CDC42BPA: variants seen among roughly 807,000 people sequenced by gnomAD.
CDC42BPA encodes serine/threonine-protein kinase MRCK alpha.
A neutral mutation model predicts 223.5 loss-of-function variants in CDC42BPA; 80 were observed. The ratio of observed to expected loss-of-function variants is 0.36; its 90% CI spans 0.30 to 0.43. The LOEUF (loss-of-function observed/expected upper bound fraction) is 0.43. Ranked by LOEUF, CDC42BPA falls within the 20% of genes least tolerant of loss-of-function variation. The probability of loss-of-function intolerance (pLI) is 1.00; values close to 1 mark genes in which losing one functional copy is unlikely to be tolerated. For synonymous variants in CDC42BPA, 694 were observed against 718.6 expected, an observed-to-expected ratio of 0.97 and a Z score of 0.55; for missense variants, 1,743 against 2,099.9, an observed-to-expected ratio of 0.83 and a Z score of 3.32.
rs183726055 is a variant in CDC42BPA at position 227,172,217 on chromosome 1, T to C, written c.600-11581A>G. Among the ~76,000 whole-genome samples, 915 of 152,300 alleles carry C rather than the reference T, an allele frequency of 6.0e-3. 10 individuals carry two copies. Among genetic ancestry groups the C allele is most frequent in the African/African-American group, 0.021 (862 of 41,562 alleles). On this transcript the variant is annotated intron_variant, in intron 5 of 36. Coordinates refer to ENST00000366766, the MANE Select transcript of CDC42BPA (RefSeq NM_001394014.1). Reference sequence around the variant, plus strand: ...AGAAATTAGAATTCTTTATGGAACATTAATTTGGGGTTCATCCTACATTTG... The same window carrying C: ...AGAAATTAGAATTCTTTATGGAACACTAATTTGGGGTTCATCCTACATTTG...
chr1:226,997,203 G>A (rs1040622532), intron 35 of CDC42BPA, among the ~76,000 whole-genome samples: 1 of 152,152 alleles, frequency 6.6e-6, no homozygotes, highest in Non-Finnish European at 1.5e-5. Flanking sequence ...ATGTGTCCAG[G>A]AATTTATCCA....
At position 227,180,201 on chromosome 1, in the gene CDC42BPA, G is replaced by A. The variant is rs143814839; in HGVS notation, c.599+13585C>T. Reference sequence around the variant, plus strand: ...AGCCTGGGTGACAGAGTGAGATTCCGTCATAAATCAATCAATCAATCAATC... The same window carrying A: ...AGCCTGGGTGACAGAGTGAGATTCCATCATAAATCAATCAATCAATCAATC... On this transcript the variant is annotated intron_variant, in intron 5 of 36. Coordinates refer to ENST00000366766, the MANE Select transcript of CDC42BPA (RefSeq NM_001394014.1). Among the ~76,000 whole-genome samples, 11 of 152,026 alleles carry A rather than the reference G, an allele frequency of 7.2e-5. No individual in the cohort carries two copies. The South Asian group carries it at 8.3e-4, about 11-fold the overall frequency.
At chr1:227,216,514 T>C (rs182474240) in intron 2 of CDC42BPA, among the ~76,000 whole-genome samples, 105 of 152,346 alleles carry the variant, frequency 6.9e-4, no homozygotes, top group Non-Finnish European at 1.1e-3. Flanking sequence ...GGAAATATTC[T>C]TGAATTATTG....
intron 1 of CDC42BPA, chr1:227,265,209 A>G: frequency 1.7e-6 from 1 of 602,548 alleles, no homozygotes; most frequent in Non-Finnish European, 3.0e-6. Flanking sequence ...CTAAAAGTGC[A>G]CACTTTGGCA....
chr1:227,058,037 C>T (rs182267154), intron 21 of CDC42BPA, among the ~76,000 whole-genome samples: 5 of 152,266 alleles, frequency 3.3e-5, no homozygotes, highest in Non-Finnish European at 5.9e-5. Context: ...TATTGGTTTT[C>T]CCTTCTAGAG....
At chr1:227,148,046 AACT>A (rs1418985048) in intron 6 of CDC42BPA, among the ~76,000 whole-genome samples, 8 of 152,200 alleles carry the variant, frequency 5.3e-5, no homozygotes, top group Non-Finnish European at 1.2e-4. Context: ...ATGTACAACA[AACT>A]ACTTACTAAT....
chr1:227,297,960 A>G lies in CDC42BPA; in HGVS notation c.178+19045T>C, dbSNP rs551628872. The stretch of plus-strand genomic sequence containing the variant: ...GTTTTATGTGTGTGTGTGTGTATAT[A>G]TACATATACACACACACACACATAT... On this transcript the variant is annotated intron_variant, in intron 1 of 36. Transcript: ENST00000366766. Among the ~76,000 whole-genome samples the G allele has an allele frequency of 1.8e-3, 200 of 112,480 alleles. 4 individuals carry two copies. The highest frequency in any genetic ancestry group is 6.1e-3 in the African/African-American group (195 of 31,964). The allele number at this position is 112,480 out of a possible 152,430, so 73.8% of individuals were successfully genotyped here.
intron 5 of CDC42BPA, among the ~76,000 whole-genome samples, chr1:227,163,534 A>C (rs1664480688): frequency 1.3e-5 from 2 of 151,972 alleles, no homozygotes; most frequent in South Asian, 4.2e-4. Flanking sequence ...CACTGGTATC[A>C]TTGGTCATTT....
intron 11 of CDC42BPA, among the ~76,000 whole-genome samples, chr1:227,120,152 T>A: frequency 6.6e-6 from 1 of 150,786 alleles, no homozygotes; most frequent in Non-Finnish European, 1.5e-5. Context: ...TGTGCAACAA[T>A]GCCTTACATA....
intron 14 of CDC42BPA, 129 bp from the exon 15 acceptor site, chr1:227,101,368 C>A (rs1685028976): frequency 9.2e-6 from 5 of 543,840 alleles, no homozygotes; most frequent in Non-Finnish European, 1.5e-5. Context: ...AAATAAAATT[C>A]TATGTTAAAT....
At chr1:227,152,679 A>C (rs1662009717) in intron 6 of CDC42BPA, among the ~76,000 whole-genome samples, 1 of 152,208 alleles carries the variant, frequency 6.6e-6, no homozygotes, top group African/African-American at 2.4e-5. Flanking sequence ...ACTGCACGTA[A>C]GATACTAGAA....
At chr1:227,025,668 C>A (rs1489290277) in intron 31 of CDC42BPA, among the ~76,000 whole-genome samples, 1 of 152,070 alleles carries the variant, frequency 6.6e-6, no homozygotes, top group Non-Finnish European at 1.5e-5. Flanking sequence ...ACTTTTCTAG[C>A]CTTTTAAATC....
At chr1:227,074,038 G>T (rs1678960041) in intron 18 of CDC42BPA, 26 bp from the exon 19 acceptor site, 1 of 1,599,804 alleles carries the variant, frequency 6.3e-7, no homozygotes, top group East Asian at 2.2e-5. Context: ...TGTGTTTTTA[G>T]TTCCATCCTA....
chr1:227,146,858 C>A (rs1199524653), intron 7 of CDC42BPA, among the ~76,000 whole-genome samples: 1 of 152,096 alleles, frequency 6.6e-6, no homozygotes, highest in East Asian at 1.9e-4. Flanking sequence ...CTGTAAACTT[C>A]CTGAACAGAA....
intron 1 of CDC42BPA, among the ~76,000 whole-genome samples, chr1:227,302,115 T>C (rs955283851): frequency 2.0e-5 from 3 of 152,160 alleles, no homozygotes; most frequent in African/African-American, 4.8e-5. Flanking sequence ...TATTCTCCCT[T>C]CATTACAGTC....
intron 9 of CDC42BPA, among the ~76,000 whole-genome samples, chr1:227,141,156 T>A (rs899532875): frequency 1.3e-5 from 2 of 152,114 alleles, no homozygotes; most frequent in Non-Finnish European, 2.9e-5. Context: ...AACAGTGACA[T>A]CGATAAAAGT....
chr1:227,252,457 A>G (rs1043106833), intron 2 of CDC42BPA, among the ~76,000 whole-genome samples: 1 of 152,190 alleles, frequency 6.6e-6, no homozygotes, highest in Non-Finnish European at 1.5e-5. Context: ...TCTTGTAAGC[A>G]TATCAGGAAA....
In CDC42BPA at chr1:227,133,564, C is replaced by T. The variant is rs552250557; in HGVS notation, c.1391-4333G>A. Among the ~76,000 whole-genome samples, 701 of 152,254 alleles carry T rather than the reference C, an allele frequency of 4.6e-3. 4 individuals carry two copies. The highest frequency in any genetic ancestry group is 0.016 in the African/African-American group (666 of 41,534). Reference sequence around the variant, plus strand: ...AAAGATTGAGAAATCGGATGGTTGCCGTGTCTGTGCAGAGAGAAGTAGACA... The same window carrying T: ...AAAGATTGAGAAATCGGATGGTTGCTGTGTCTGTGCAGAGAGAAGTAGACA... On this transcript the variant is annotated intron_variant, in intron 10 of 36. Coordinates refer to ENST00000366766, the MANE Select transcript of CDC42BPA (RefSeq NM_001394014.1).
rs1449770800 is a variant in CDC42BPA at position 227,072,537 on chromosome 1, C to G, written c.2736-238G>C. On this transcript the variant is annotated intron_variant, in intron 19 of 36. Coordinates refer to ENST00000366766, the MANE Select transcript of CDC42BPA (RefSeq NM_001394014.1). The stretch of plus-strand genomic sequence containing the variant: ...ATTGACTATGGCTGCTTTTACACTA[C>G]AATAGCAGAGATGAGAAGCTGTGAT... 3.3e-5 allele frequency among the ~76,000 whole-genome samples: 5 copies of G among 152,092 alleles called. No homozygotes were observed. In the East Asian group the frequency reaches 7.7e-4, roughly 23 times the overall value.
Sources: allele counts gnomAD v4.1 joint callset (sites outside exome capture counted in the v4.1 genomes callset), GRCh38; gene constraint gnomAD v4.1.1; transcripts MANE v1.5; gene names NCBI Gene and HGNC (gene_info 2026-07-23, HGNC 2026-07-21).